The following DOCK7 variants were observed in gnomAD, a reference collection of about 807,000 sequenced individuals.
DOCK7 encodes the protein dedicator of cytokinesis 7, also known as dedicator of cytokinesis protein 7.
A neutral mutation model predicts 271.0 loss-of-function variants in DOCK7; 138 were observed. That is an observed-to-expected ratio of 0.51 (90% CI 0.44 to 0.59). The LOEUF is 0.59. Ranked by LOEUF, DOCK7 falls within the 20% of genes least tolerant of loss-of-function variation. The pLI, the probability that DOCK7 is intolerant of heterozygous loss-of-function variation, is 0.00. For synonymous variants in DOCK7, 823 were observed against 876.1 expected, an observed-to-expected ratio of 0.94 and a Z score of 1.07; for missense variants, 2,066 against 2,592.4, an observed-to-expected ratio of 0.80 and a Z score of 4.41.
intron 48 of DOCK7, among the ~76,000 whole-genome samples, chr1:62,468,315 C>T (rs539373329): frequency 1.6e-4 from 24 of 148,694 alleles, no homozygotes; most frequent in African/African-American, 4.5e-4. Flanking sequence ...GAGCCAAGAT[C>T]GCGCCATTGC....
intron 18 of DOCK7, among the ~76,000 whole-genome samples, chr1:62,563,145 A>G (rs892669669): frequency 6.6e-6 from 1 of 152,068 alleles, no homozygotes; most frequent in Non-Finnish European, 1.5e-5. Flanking sequence ...CCTAGTGGAG[A>G]GCTTGAAATT....
intron 2 of DOCK7, among the ~76,000 whole-genome samples, chr1:62,662,489 G>A (rs538028764): frequency 2.6e-5 from 4 of 152,180 alleles, no homozygotes; most frequent in East Asian, 1.9e-4. Context: ...AGGGCCGGAC[G>A]CGGTGGCTCA....
chr1:62,653,705 G>A lies in DOCK7; in HGVS notation c.389+20C>T. 1 of 1,425,986 alleles carries A rather than the reference G, an allele frequency of 7.0e-7. No homozygotes were observed. Among genetic ancestry groups the A allele is most frequent in the Non-Finnish European group, 9.9e-7 (1 of 1,010,364 alleles). The allele number at this position is 1,425,986 out of a possible 1,614,324, so 88.3% of individuals were successfully genotyped here. A position where few individuals can be genotyped will look rare whatever the true frequency, so the allele number is the denominator to read the frequency against. ...ATCTTACTCAATATTTGTAAATGTT[G>A]TAATAAACATATAACTTACTTTCTG... On this transcript the variant is annotated intron_variant, in intron 4 of 49. Transcript: ENST00000635253.
intron 43 of DOCK7, chr1:62,485,014 G>T: frequency 2.7e-6 from 1 of 363,850 alleles, no homozygotes; most frequent in Non-Finnish European, 3.8e-6. Context: ...TGCGCCTACA[G>T]TCCTAGCTAC....
chr1:62,537,518 G>A (rs558998907), intron 28 of DOCK7, among the ~76,000 whole-genome samples: 53 of 150,914 alleles, frequency 3.5e-4, no homozygotes, highest in African/African-American at 1.1e-3. Context: ...CCCCAGAGGC[G>A]GAAGTTGCAG....
At chr1:62,479,919 A>G (rs1486756391) in intron 43 of DOCK7, among the ~76,000 whole-genome samples, 1 of 152,148 alleles carries the variant, frequency 6.6e-6, no homozygotes, top group East Asian at 1.9e-4. Context: ...TCCTGGGCTC[A>G]AGTGATCTAG....
intron 48 of DOCK7, among the ~76,000 whole-genome samples, chr1:62,471,699 C>T (rs1645835852): frequency 6.6e-6 from 1 of 152,092 alleles, no homozygotes; most frequent in African/African-American, 2.4e-5. Context: ...TCATCTCATG[C>T]TGGAAATTTT....
chr1:62,676,334 A>G (rs1660546971), intron 1 of DOCK7, among the ~76,000 whole-genome samples: 1 of 152,348 alleles, frequency 6.6e-6, no homozygotes, highest in South Asian at 2.1e-4. Flanking sequence ...AAATTGAGAG[A>G]TTGATACAAA....
chr1:62,520,799 C>A (rs1441341936), intron 31 of DOCK7, among the ~76,000 whole-genome samples: 1 of 152,174 alleles, frequency 6.6e-6, no homozygotes, highest in African/African-American at 2.4e-5. Context: ...AAGACACATG[C>A]ACCTGTATGT....
chr1:62,536,749 T>A (rs1375697687), intron 28 of DOCK7, among the ~76,000 whole-genome samples: 1 of 152,202 alleles, frequency 6.6e-6, no homozygotes, highest in African/African-American at 2.4e-5. Flanking sequence ...TTAAGAAGTA[T>A]TAAGATTAAC....
chr1:62,548,040 A>G (rs1458136632), intron 22 of DOCK7, among the ~76,000 whole-genome samples: 1 of 152,122 alleles, frequency 6.6e-6, no homozygotes. Context: ...ACATTTCTTC[A>G]TTGGATAAAT....
chr1:62,584,563 C>T (rs1647278455), intron 15 of DOCK7: 6 of 1,182,914 alleles, frequency 5.1e-6, no homozygotes, highest in Non-Finnish European at 6.3e-6. Flanking sequence ...TCACTTTTCA[C>T]AAAATAACTT....
intron 10 of DOCK7, among the ~76,000 whole-genome samples, chr1:62,633,015 CA>C (rs956376911): frequency 2.0e-5 from 3 of 151,544 alleles, no homozygotes; most frequent in Non-Finnish European, 2.9e-5. Flanking sequence ...CATCTGATGG[CA>C]AAAAAAGGCT....
chr1:62,603,953 A>T (rs756105227), intron 14 of DOCK7: 1 of 1,611,486 alleles, frequency 6.2e-7, no homozygotes, highest in African/African-American at 1.3e-5. Flanking sequence ...CAGATTTTTA[A>T]AACTTTTCTT....
intron 41 of DOCK7, among the ~76,000 whole-genome samples, chr1:62,490,025 C>A (rs1646413009): frequency 2.0e-5 from 3 of 147,276 alleles, no homozygotes; most frequent in Admixed American, 2.0e-4. Flanking sequence ...GAGTGAGAGA[C>A]AAGATGTCTT....
chr1:62,641,356 G>A (rs539225136), intron 7 of DOCK7: 48 of 403,704 alleles, frequency 1.2e-4, no homozygotes, highest in South Asian at 8.7e-4. Context: ...ACACAACCTT[G>A]AGGGCAGCAG....
At chr1:62,610,204 G>C (rs1651589358) in intron 14 of DOCK7, among the ~76,000 whole-genome samples, 1 of 152,110 alleles carries the variant, frequency 6.6e-6, no homozygotes, top group Admixed American at 6.6e-5. Flanking sequence ...ATAAAACTCA[G>C]AGTGGTATAA....
chr1:62,538,833 C>T (rs1337715989), intron 27 of DOCK7, among the ~76,000 whole-genome samples: 3 of 152,082 alleles, frequency 2.0e-5, no homozygotes, highest in African/African-American at 4.8e-5. Context: ...GCTCCTCATC[C>T]CCACCACCAT....
chr1:62,459,866 A>G (rs938052265), intron 48 of DOCK7, among the ~76,000 whole-genome samples: 2 of 152,034 alleles, frequency 1.3e-5, no homozygotes, highest in Non-Finnish European at 2.9e-5. Context: ...TTGGGAGGCC[A>G]AGGCGGGCGG....
Sources: allele counts gnomAD v4.1 joint callset (sites outside exome capture counted in the v4.1 genomes callset), GRCh38; gene constraint gnomAD v4.1.1; transcripts MANE v1.5; gene names NCBI Gene and HGNC (gene_info 2026-07-23, HGNC 2026-07-21).